Variants in CEP192 observed in about 807,000 individuals in gnomAD.
CEP192 encodes centrosomal protein of 192 kDa.
Under a neutral mutation model 271.8 loss-of-function variants are expected in CEP192, and 151 were observed. That is an observed-to-expected ratio of 0.56 (90% CI 0.49 to 0.64). The LOEUF is 0.64. Ranked by LOEUF, CEP192 falls within the 30% of genes least tolerant of loss-of-function variation. CEP192 has a pLI of 0.00. For missense variants in CEP192, 2,910 were observed against 3,020.5 expected (o/e 0.96, Z 0.86); for synonymous variants, 995 against 1,076.5 (o/e 0.92, Z 1.48).
intron 5 of CEP192, among the ~76,000 whole-genome samples, chr18:13,014,922 G>T (rs2145928196): frequency 6.6e-6 from 1 of 152,316 alleles, no homozygotes; most frequent in Non-Finnish European, 1.5e-5. Flanking sequence ...GAGGAGCAGA[G>T]AAATTGATTT....
chr18:13,001,550 A>G lies in CEP192; in HGVS notation c.258A>G (p.Arg86=), dbSNP rs1358436941. The change falls in exon 3 of 45, where the codon AGA becomes AGG. Residue 86 remains arginine, a synonymous_variant. Coordinates refer to ENST00000506447, the MANE Select transcript of CEP192 (RefSeq NM_032142.4). ...SPGSQSDAEP[R]ERLQLSFQDD... is the part of the protein sequence containing the mutation. ...GAAGCCAGAGTGATGCTGAACCAAG[A>G]GAGAGGTTACAGCTTAGCTTCCAGG... The G allele has an allele frequency of 1.3e-6, 2 of 1,550,738 alleles. No homozygotes were observed. The highest frequency in any genetic ancestry group is 8.7e-7 in the Non-Finnish European group (1 of 1,146,686).
At position 13,008,573 on chromosome 18, in the gene CEP192, A is replaced by G. The variant is rs1001458024; in HGVS notation, c.408A>G (p.Thr136=). 3.2e-6 allele frequency: 5 copies of G among 1,551,606 alleles called. No individual in the cohort carries two copies. The African/African-American group carries it at 5.5e-5, about 17-fold the overall frequency. ...CAGAAGAGGAGCCAGCCGGAGCTAC[A>G]GAATCCTTGCAGGGCCAAGATCTCT... ...AGPEEEPAGA[T]ESLQGQDLFN... Residue 136 remains threonine (T), a synonymous_variant, in exon 4 of 45, where the codon ACA becomes ACG. Coordinates refer to ENST00000506447, the MANE Select transcript of CEP192 (RefSeq NM_032142.4).
Position 13,017,326 on chromosome 18 carries a change from G to T in CEP192, c.779G>T (p.Gly260Val). 6.5e-7 allele frequency: 1 copy of T among 1,536,986 alleles called. No homozygotes were observed. The highest frequency in any genetic ancestry group is 1.2e-5 in the South Asian group (1 of 80,756). The change falls in exon 7 of 45, where the codon GGT becomes GTT. Residue 260 changes from glycine to valine, a missense_variant. By Grantham distance (109) the Gly-to-Val change is moderately radical (BLOSUM62 -3). Coordinates refer to ENST00000506447, the MANE Select transcript of CEP192 (RefSeq NM_032142.4). ...PEKGFKLPTN[G>V]LRQANENGSL... ...AAAGGTTTTAAGTTACCTACAAATG[G>T]TCTTAGACAGGTGTGTTCCAGTCTT...
At chr18:13,048,283 T>C (rs939695271) in intron 15 of CEP192, among the ~76,000 whole-genome samples, 5 of 152,206 alleles carry the variant, frequency 3.3e-5, no homozygotes, top group Non-Finnish European at 7.3e-5. Flanking sequence ...GAGTCTTTCT[T>C]TTGTCCAGCT....
intron 38 of CEP192, among the ~76,000 whole-genome samples, chr18:13,101,238 C>T (rs1444053074): frequency 6.6e-6 from 1 of 152,166 alleles, no homozygotes; most frequent in Non-Finnish European, 1.5e-5. Context: ...ATGAGATATT[C>T]AACCCCTTGT....
At chr18:13,107,877 T>A (rs1331104773) in intron 40 of CEP192, among the ~76,000 whole-genome samples, 4 of 102,776 alleles carry the variant, frequency 3.9e-5, no homozygotes, top group Non-Finnish European at 5.9e-5. Flanking sequence ...ATAAAGATAG[T>A]ATCTCCAAAA....
At chr18:13,066,451 T>G (rs529093652) in intron 21 of CEP192, among the ~76,000 whole-genome samples, 2 of 152,328 alleles carry the variant, frequency 1.3e-5, no homozygotes, top group South Asian at 2.1e-4. Flanking sequence ...ATTTAAAAAT[T>G]TTTAATGTGA....
At position 13,031,292 on chromosome 18, in the gene CEP192, G is replaced by C. The variant is rs2035612867; in HGVS notation, c.1534+684G>C. Among the ~76,000 whole-genome samples the C allele has an allele frequency of 2.2e-5, 3 of 136,638 alleles. No homozygotes were observed. In the South Asian group the frequency reaches 7.4e-4, roughly 34 times the overall value. 89.6% of individuals were successfully genotyped at this position (136,638 alleles called of 152,430 possible). On this transcript the variant is annotated intron_variant, in intron 11 of 44. Transcript: ENST00000506447. ...AGACAGAGTCTCGCTCTGTCGCCCA[G>C]GCTGGAGTGCAGTGGCGGGATCTCG...
Position 13,114,269 on chromosome 18 carries a change from T to C in CEP192, c.7289+18T>C. On this transcript the variant is annotated intron_variant, in intron 42 of 44. Coordinates refer to ENST00000506447, the MANE Select transcript of CEP192 (RefSeq NM_032142.4). ...ATACCTGAGTATGTTGTTTTTGTCA[T>C]TCTTATGAGTTTTTTCCCAGTACTT... The C allele has an allele frequency of 6.2e-7, 1 of 1,607,882 alleles. No homozygotes were observed. Among genetic ancestry groups the C allele is most frequent in the Admixed American group, 1.7e-5 (1 of 58,242 alleles).
rs146325462 is a variant in CEP192, at chr18:13,105,024, C to T, written c.6992C>T (p.Ala2331Val). ...ESGDVFRATY[A>V]AFRCSPISGL... Reference sequence around the variant, plus strand: ...GGAGATGTTTTTAGAGCTACCTATGCAGCATTCAGATGTTCTCCTATTTCT... The same window carrying T: ...GGAGATGTTTTTAGAGCTACCTATGTAGCATTCAGATGTTCTCCTATTTCT... Residue 2331 changes from alanine (A) to valine (V), a missense_variant, in exon 40 of 45, where the codon GCA becomes GTA. Transcript: ENST00000506447. 2 of 1,614,036 alleles carry T rather than the reference C, an allele frequency of 1.2e-6. No individual in the cohort carries two copies. Among genetic ancestry groups the T allele is most frequent in the Admixed American group, 1.7e-5 (1 of 60,026 alleles).
In CEP192 at chr18:13,096,167, T is replaced by C. The variant is rs376418583; in HGVS notation, c.6434-17T>C. ...GTTGTTAAATGTAAGTCACATTTTATGTATCTGACAAAATAGGTGACATGG... is the reference window on the plus strand; with the variant it reads ...GTTGTTAAATGTAAGTCACATTTTACGTATCTGACAAAATAGGTGACATGG... On this transcript the variant is annotated splice_polypyrimidine_tract_variant and intron_variant, in intron 35 of 44. Coordinates refer to ENST00000506447, the MANE Select transcript of CEP192 (RefSeq NM_032142.4). The C allele has an allele frequency of 1.2e-5, 20 of 1,612,434 alleles. No individual in the cohort carries two copies. In the East Asian group the frequency reaches 1.3e-4, roughly 11 times the overall value.
rs59158168 is a variant in CEP192 at position 13,122,832 on chromosome 18, C to CGT, written c.7476-1773_7476-1772dup. Among the ~76,000 whole-genome samples, 929 of 150,438 alleles carry CGT rather than the reference C, an allele frequency of 6.2e-3. 10 individuals carry two copies. The highest frequency in any genetic ancestry group is 0.038 in the East Asian group (194 of 5,082). ...AGAGGACTTTCCTGCTACCTTTTCC[C>CGT]GTGTGTGTGTGTGTGTGTGTGTGTG... On this transcript the variant is annotated intron_variant, in intron 44 of 44. Coordinates refer to ENST00000506447, the MANE Select transcript of CEP192 (RefSeq NM_032142.4).
intron 30 of CEP192, among the ~76,000 whole-genome samples, chr18:13,077,109 G>T (rs1387243711): frequency 6.6e-6 from 1 of 152,186 alleles, no homozygotes; most frequent in Admixed American, 6.5e-5. Flanking sequence ...TGTACTAAAA[G>T]TCAAGATAGT....
At chr18:13,020,914 T>C (rs1367476741) in intron 9 of CEP192, among the ~76,000 whole-genome samples, 1 of 152,228 alleles carries the variant, frequency 6.6e-6, no homozygotes, top group Non-Finnish European at 1.5e-5. Flanking sequence ...CACTTTTTAA[T>C]TGAGTTTTTT....
intron 5 of CEP192, 121 bp downstream of exon 5, chr18:13,013,146 T>C: frequency 1.8e-6 from 1 of 551,288 alleles, no homozygotes; most frequent in South Asian, 2.7e-5. Context: ...AGTAGAGCTC[T>C]AACTTATCCA....
At chr18:12,997,815 C>T (rs940716142) in intron 1 of CEP192, among the ~76,000 whole-genome samples, 9 of 152,146 alleles carry the variant, frequency 5.9e-5, no homozygotes, top group African/African-American at 2.2e-4. Flanking sequence ...ACCTCCACCT[C>T]GCAGATTTAG....
At chr18:13,014,479 C>A (rs2034531495) in intron 5 of CEP192, among the ~76,000 whole-genome samples, 1 of 152,140 alleles carries the variant, frequency 6.6e-6, no homozygotes, top group South Asian at 2.1e-4. Flanking sequence ...CAGTAGCCAA[C>A]ATGACCAAAA....
At chr18:13,098,428 C>T (rs1327913778) in intron 36 of CEP192, among the ~76,000 whole-genome samples, 5 of 146,810 alleles carry the variant, frequency 3.4e-5, no homozygotes, top group African/African-American at 7.3e-5. Flanking sequence ...TCAGACGGGG[C>T]GGCTGCCGGG....
chr18:13,068,923 G>A lies in CEP192; in HGVS notation c.4894G>A (p.Val1632Ile), dbSNP rs142781329. ...IEVDSPNPTP[V>I]LRSVSLRARA... ...AGTTGACAGCCCAAACCCTACGCCC[G>A]TTCTTAGAAGTGTGAGTCTCCGAGC... Residue 1632 changes from valine to isoleucine, a missense_variant, in exon 25 of 45, where the codon GTT (valine) becomes ATT (isoleucine). Coordinates refer to ENST00000506447, the MANE Select transcript of CEP192 (RefSeq NM_032142.4). 20 of 1,614,158 alleles carry A rather than the reference G, an allele frequency of 1.2e-5. No individual in the cohort carries two copies. Among genetic ancestry groups the A allele is most frequent in the South Asian group, 4.4e-5 (4 of 91,084 alleles).
Sources: allele counts gnomAD v4.1 joint callset (sites outside exome capture counted in the v4.1 genomes callset), GRCh38; gene constraint gnomAD v4.1.1; transcripts MANE v1.5; gene names NCBI Gene and HGNC (gene_info 2026-07-23, HGNC 2026-07-21).